Variants in TSHZ1 observed in about 807,000 individuals in gnomAD.
The protein encoded by TSHZ1 is teashirt homolog 1.
Under a neutral mutation model 67.1 loss-of-function variants are expected in TSHZ1, and 12 were observed. The ratio of observed to expected loss-of-function variants is 0.18; its 90% CI spans 0.11 to 0.29. The LOEUF is 0.29. TSHZ1 is among the 10% of genes least tolerant of loss of function. The pLI, the probability that TSHZ1 is intolerant of heterozygous loss-of-function variation, is 1.00. For missense variants in TSHZ1, 1,305 were observed against 1,413.9 expected (o/e 0.92, Z 1.23); for synonymous variants, 632 against 622.4 (o/e 1.02, Z -0.23).
In TSHZ1 at chr18:75,285,178, C is replaced by T. The variant is rs2023735060; in HGVS notation, c.41-270C>T. ...GAGTCCCAAGTTCCTGCCCTTCCCA[C>T]CAGGCTGCAAGGGTCAAACTGACAT... is the stretch of plus-strand genomic sequence containing the variant. On this transcript the variant is annotated intron_variant, in intron 1 of 1. Transcript: ENST00000580243. 1.4e-5 allele frequency: 4 copies of T among 289,004 alleles called. No homozygotes were observed. In the East Asian group the frequency reaches 2.4e-4, roughly 17 times the overall value. 17.9% of individuals were successfully genotyped at this position (289,004 alleles called of 1,614,324 possible).
chr18:75,272,663 C>G (rs757697118), intron 1 of TSHZ1, among the ~76,000 whole-genome samples: 2 of 152,190 alleles, frequency 1.3e-5, no homozygotes, highest in Non-Finnish European at 2.9e-5. Context: ...CACTGTATCC[C>G]TATACTTGTA....
At chr18:75,241,695 T>G (rs1448366127) in intron 1 of TSHZ1, among the ~76,000 whole-genome samples, 1 of 152,128 alleles carries the variant, frequency 6.6e-6, no homozygotes, top group African/African-American at 2.4e-5. Flanking sequence ...AAACCAATAG[T>G]TAAAACAACA....
In TSHZ1 at chr18:75,288,084, A is replaced by C. The variant is rs1382679132; in HGVS notation, c.2677A>C (p.Asn893His). ...HKRKGRQSNW[N>H]PQHLLILQAQ... ...GAGGAAGGGCCGGCAGTCCAACTGGAACCCGCAGCACCTTCTCATCCTGCA... is the reference window on the plus strand; with the variant it reads ...GAGGAAGGGCCGGCAGTCCAACTGGCACCCGCAGCACCTTCTCATCCTGCA... Residue 893 changes from asparagine to histidine, a missense_variant, in exon 2 of 2, where the codon AAC becomes CAC. Asn to His is a moderately conservative substitution (Grantham distance 68, BLOSUM62 1). Around this residue, in one of 3 missense-constraint regions of TSHZ1, gnomAD observed 909 missense variants for 961.8 expected, o/e 0.95. Transcript: ENST00000580243. This position sits in a 1 kb window ranked among gnomAD's most constrained non-coding sequence, Gnocchi z 4.9. The C allele has an allele frequency of 6.2e-7, 1 of 1,613,588 alleles. No individual in the cohort carries two copies. Among genetic ancestry groups the C allele is most frequent in the Admixed American group, 1.7e-5 (1 of 60,030 alleles).
intron 1 of TSHZ1, chr18:75,284,042 A>G (rs569125010): frequency 1.3e-5 from 2 of 152,712 alleles, no homozygotes; most frequent in East Asian, 1.9e-4. Flanking sequence ...CTGAACCCCA[A>G]ATACCCCAAG....
chr18:75,249,382 T>C (rs1334130940), intron 1 of TSHZ1, among the ~76,000 whole-genome samples: 2 of 150,234 alleles, frequency 1.3e-5, no homozygotes, highest in Non-Finnish European at 1.5e-5. Flanking sequence ...CTCCCTGCCC[T>C]ACCCCTGCAG....
chr18:75,280,142 G>T (rs2023666823), intron 1 of TSHZ1, among the ~76,000 whole-genome samples: 1 of 152,168 alleles, frequency 6.6e-6, no homozygotes, highest in Non-Finnish European at 1.5e-5. Flanking sequence ...TCTCATGTTT[G>T]AAGGATACTG....
At chr18:75,270,123 G>A (rs73971570) in intron 1 of TSHZ1, among the ~76,000 whole-genome samples, 129 of 152,282 alleles carry the variant, frequency 8.5e-4, no homozygotes, top group African/African-American at 2.8e-3. Context: ...GGCCCATTGC[G>A]GCATTATGAT....
rs1030863911 is a variant in TSHZ1 at position 75,289,472 on chromosome 18, C to G, written c.*831C>G. Reference sequence around the variant, plus strand: ...TAAGCTTTGGTACAAGCTGACCTTTCTATAGCGTGCTGCATTGGTAAATGA... The same window carrying G: ...TAAGCTTTGGTACAAGCTGACCTTTGTATAGCGTGCTGCATTGGTAAATGA... On this transcript the variant is annotated 3_prime_UTR_variant, in exon 2 of 2. Coordinates refer to ENST00000580243, the MANE Select transcript of TSHZ1 (RefSeq NM_001308210.2). 1 of 166,974 alleles carries G rather than the reference C, an allele frequency of 6.0e-6. No individual in the cohort carries two copies. The highest frequency in any genetic ancestry group is 1.5e-5 in the Non-Finnish European group (1 of 68,098). 10.3% of individuals were successfully genotyped at this position (166,974 alleles called of 1,614,324 possible).
intron 1 of TSHZ1, among the ~76,000 whole-genome samples, chr18:75,267,046 T>C (rs1286731266): frequency 6.6e-6 from 1 of 152,254 alleles, no homozygotes; most frequent in African/African-American, 2.4e-5. Context: ...TTTTTATTTC[T>C]GTTATAGACT....
intron 1 of TSHZ1, among the ~76,000 whole-genome samples, chr18:75,222,332 G>A (rs2022857290): frequency 6.6e-6 from 1 of 152,112 alleles, no homozygotes; most frequent in Non-Finnish European, 1.5e-5. Flanking sequence ...TCATACCTAG[G>A]TGGAGAGTAG....
At chr18:75,247,490 C>T (rs2023238412) in intron 1 of TSHZ1, among the ~76,000 whole-genome samples, 1 of 152,198 alleles carries the variant, frequency 6.6e-6, no homozygotes, top group East Asian at 1.9e-4. Context: ...GATTCAGTTG[C>T]GTGAATTGCC....
chr18:75,268,824 A>T (rs1330432080), intron 1 of TSHZ1, among the ~76,000 whole-genome samples: 2 of 152,178 alleles, frequency 1.3e-5, no homozygotes, highest in African/African-American at 4.8e-5. Flanking sequence ...AGATATTCTT[A>T]CTGATTTAAA....
chr18:75,286,082 C>T lies in TSHZ1; in HGVS notation c.675C>T (p.Thr225=), dbSNP rs377292784. The part of the protein sequence containing the change: ...GLLPEPSLFS[T]VQLYRQNNKL... ...TTCCTGAGCCCAGCCTGTTCAGCAC[C>T]GTGCAGCTCTACCGCCAGAACAACA... is the stretch of plus-strand genomic sequence containing the variant. The change falls in exon 2 of 2, where the codon ACC becomes ACT. Residue 225 remains threonine (T), a synonymous_variant. Coordinates refer to ENST00000580243, the MANE Select transcript of TSHZ1 (RefSeq NM_001308210.2). The surrounding 1 kb of genome is among the most constrained non-coding windows in gnomAD (Gnocchi z 5.1). 1.8e-4 allele frequency: 291 copies of T among 1,612,308 alleles called. No individual in the cohort carries two copies. Among genetic ancestry groups the T allele is most frequent in the Non-Finnish European group, 2.2e-4 (258 of 1,178,768 alleles).
At chr18:75,265,784 T>C (rs1180830195) in intron 1 of TSHZ1, among the ~76,000 whole-genome samples, 1 of 152,180 alleles carries the variant, frequency 6.6e-6, no homozygotes, top group Admixed American at 6.5e-5. Flanking sequence ...TGTCATTTTC[T>C]TGTCCGATGA....
At chr18:75,246,726 T>C (rs1283208711) in intron 1 of TSHZ1, among the ~76,000 whole-genome samples, 1 of 152,138 alleles carries the variant, frequency 6.6e-6, no homozygotes, top group Non-Finnish European at 1.5e-5. Context: ...AAAGCTAGTT[T>C]AATTGAAAGA....
At position 75,263,822 on chromosome 18, in the gene TSHZ1, G is replaced by A. The variant is rs548932189; in HGVS notation, c.41-21626G>A. 7.9e-5 allele frequency among the ~76,000 whole-genome samples: 12 copies of A among 152,324 alleles called. No individual in the cohort carries two copies. In the South Asian group the frequency reaches 2.5e-3, roughly 32 times the overall value. On this transcript the variant is annotated intron_variant, in intron 1 of 1. Coordinates refer to ENST00000580243, the MANE Select transcript of TSHZ1 (RefSeq NM_001308210.2). ...TAAGTTTTTGATACTGGAAGATTCT[G>A]TGTTTTGAGTTTGGAGGGGAGGAAG...
intron 1 of TSHZ1, among the ~76,000 whole-genome samples, chr18:75,252,401 C>T (rs1227711186): frequency 6.6e-6 from 1 of 152,192 alleles, no homozygotes; most frequent in East Asian, 1.9e-4. Flanking sequence ...TCAGTCCCAC[C>T]AGTGACATGC....
chr18:75,230,360 C>T (rs963131112), intron 1 of TSHZ1, among the ~76,000 whole-genome samples: 3 of 152,180 alleles, frequency 2.0e-5, no homozygotes, highest in South Asian at 2.1e-4. Context: ...TAGGAGCGCA[C>T]CTTACGGAGG....
intron 1 of TSHZ1, among the ~76,000 whole-genome samples, chr18:75,233,072 G>A (rs1209970757): frequency 2.6e-5 from 4 of 152,198 alleles, no homozygotes; most frequent in Non-Finnish European, 5.9e-5. Flanking sequence ...CAGCCTGGGA[G>A]CAGTTATGAG....
Sources: allele counts gnomAD v4.1 joint callset (sites outside exome capture counted in the v4.1 genomes callset), GRCh38; gene constraint gnomAD v4.1.1; regional missense constraint gnomAD v4.1.1; non-coding constraint Gnocchi (gnomAD v3.1); transcripts MANE v1.5; gene names NCBI Gene and HGNC (gene_info 2026-07-23, HGNC 2026-07-21).